The following ARL15 variants were observed in gnomAD, a reference collection of about 807,000 sequenced individuals.
ARL15 encodes ARF like GTPase 15, also known as ADP-ribosylation factor-like protein 15.
Under a neutral mutation model 25.2 loss-of-function variants are expected in ARL15, and 19 were observed. The observed-to-expected ratio is 0.75, with a 90% CI of 0.53 to 1.10. ARL15 has a LOEUF of 1.10. ARL15 is among the 50% of genes least tolerant of loss of function. ARL15 has a pLI of 0.00. For missense variants in ARL15, 220 were observed against 246.0 expected (o/e 0.89, Z 0.71); for synonymous variants, 94 against 86.8 (o/e 1.08, Z -0.46).
chr5:54,274,708 C>G (rs1280693103), intron 1 of ARL15, among the ~76,000 whole-genome samples: 2 of 152,048 alleles, frequency 1.3e-5, no homozygotes, highest in African/African-American at 2.4e-5. Context: ...ACCAGCCTGA[C>G]CAACATGGTG....
chr5:54,026,206 A>G lies in ARL15; in HGVS notation c.462+86996T>C, dbSNP rs146323985. 3.9e-3 allele frequency among the ~76,000 whole-genome samples: 597 copies of G among 152,324 alleles called. 1 individual carries two copies. The highest frequency in any genetic ancestry group is 0.014 in the African/African-American group (574 of 41,578). On this transcript the variant is annotated intron_variant, in intron 4 of 4. Coordinates refer to ENST00000504924, the MANE Select transcript of ARL15 (RefSeq NM_019087.3). ...AGTGAATAAAAATCATATTCTGCAC[A>G]TAGTAAAAATCAAAGTCTATCTTAT...
chr5:54,120,394 G>A (rs965995911), intron 3 of ARL15, among the ~76,000 whole-genome samples: 5 of 152,152 alleles, frequency 3.3e-5, no homozygotes, highest in African/African-American at 1.2e-4. Flanking sequence ...AATACAGCAC[G>A]TGCTAAGCAC....
At chr5:54,085,268 C>T (rs1343254154) in intron 4 of ARL15, among the ~76,000 whole-genome samples, 1 of 152,178 alleles carries the variant, frequency 6.6e-6, no homozygotes, top group Non-Finnish European at 1.5e-5. Flanking sequence ...CTTTACTTGA[C>T]AGTATTTAAC....
At chr5:54,256,164 T>C (rs1347604507) in intron 1 of ARL15, among the ~76,000 whole-genome samples, 1 of 151,744 alleles carries the variant, frequency 6.6e-6, no homozygotes, top group Non-Finnish European at 1.5e-5. Flanking sequence ...GACCATTAGC[T>C]ACACTAACCA....
At chr5:53,945,230 G>A (rs980299851) in intron 4 of ARL15, among the ~76,000 whole-genome samples, 3 of 152,112 alleles carry the variant, frequency 2.0e-5, no homozygotes, top group African/African-American at 7.2e-5. Context: ...ACAGACAATC[G>A]CTATTTCCAC....
chr5:54,024,031 C>T (rs1414800097), intron 4 of ARL15, among the ~76,000 whole-genome samples: 1 of 152,190 alleles, frequency 6.6e-6, no homozygotes, highest in African/African-American at 2.4e-5. Flanking sequence ...CCATCAGCAC[C>T]CCACTATGTG....
At chr5:54,216,125 CTT>C in intron 1 of ARL15, among the ~76,000 whole-genome samples, 1 of 152,250 alleles carries the variant, frequency 6.6e-6, no homozygotes, top group African/African-American at 2.4e-5. Flanking sequence ...CACGAAGAAA[CTT>C]TACTTCTCGC....
At chr5:54,229,767 T>C (rs1342087060) in intron 1 of ARL15, among the ~76,000 whole-genome samples, 2 of 152,200 alleles carry the variant, frequency 1.3e-5, no homozygotes, top group Non-Finnish European at 2.9e-5. Context: ...ATTTTAATTG[T>C]GGTCATTGCT....
intron 2 of ARL15, among the ~76,000 whole-genome samples, chr5:54,155,164 G>T (rs6896006): frequency 6.6e-6 from 1 of 151,720 alleles, no homozygotes; most frequent in Admixed American, 6.6e-5. Flanking sequence ...TGTGTATTAC[G>T]GCAATATATA....
chr5:53,916,946 T>C (rs899245248), intron 4 of ARL15, among the ~76,000 whole-genome samples: 2 of 152,222 alleles, frequency 1.3e-5, no homozygotes, highest in Non-Finnish European at 2.9e-5. Flanking sequence ...TCTATTCATA[T>C]ATATATGAAG....
intron 1 of ARL15, 100 bp from the exon 2 acceptor site, chr5:54,172,028 A>C (rs1754734076): frequency 2.2e-6 from 3 of 1,377,774 alleles, no homozygotes; most frequent in Non-Finnish European, 3.0e-6. Context: ...GAGGTAATTG[A>C]ATAAAGTATT....
At chr5:53,978,691 A>G (rs1485458745) in intron 4 of ARL15, among the ~76,000 whole-genome samples, 4 of 151,826 alleles carry the variant, frequency 2.6e-5, no homozygotes, top group Non-Finnish European at 5.9e-5. Flanking sequence ...GGTATGCTAA[A>G]GTCCAGTATT....
At chr5:54,136,140 C>T (rs1753596240) in intron 3 of ARL15, among the ~76,000 whole-genome samples, 2 of 152,114 alleles carry the variant, frequency 1.3e-5, no homozygotes, top group Admixed American at 1.3e-4. Context: ...GCTTTATTCC[C>T]ACTCTCTTTG....
At chr5:53,920,377 T>G (rs183201751) in intron 4 of ARL15, among the ~76,000 whole-genome samples, 1,546 of 152,302 alleles carry the variant, frequency 0.01, 10 homozygotes, top group South Asian at 0.016. Flanking sequence ...GTTCTTGTCA[T>G]TTTGTTAAAA....
chr5:54,256,221 A>G (rs1337719559), intron 1 of ARL15, among the ~76,000 whole-genome samples: 1 of 152,028 alleles, frequency 6.6e-6, no homozygotes, highest in Non-Finnish European at 1.5e-5. Flanking sequence ...GGAAATGAAA[A>G]CGGAGACATT....
intron 4 of ARL15, among the ~76,000 whole-genome samples, chr5:54,074,408 CCA>C (rs1287521694): frequency 1.3e-5 from 2 of 152,084 alleles, no homozygotes; most frequent in African/African-American, 4.8e-5. Context: ...AGTCCACAAA[CCA>C]CAGATTGTCA....
intron 1 of ARL15, among the ~76,000 whole-genome samples, chr5:54,183,015 G>C (rs1342349754): frequency 7.3e-6 from 1 of 136,472 alleles, no homozygotes; most frequent in African/African-American, 2.6e-5. Flanking sequence ...CTGAGACTTT[G>C]GTGAAGTTGC....
chr5:54,066,304 A>G (rs1455428821), intron 4 of ARL15, among the ~76,000 whole-genome samples: 2 of 152,218 alleles, frequency 1.3e-5, no homozygotes, highest in African/African-American at 4.8e-5. Flanking sequence ...AAAAGCAAAA[A>G]TGTAAACTAG....
intron 4 of ARL15, among the ~76,000 whole-genome samples, chr5:54,073,039 T>G (rs31242): frequency 0.11 from 17,055 of 152,224 alleles, 1,048 homozygotes; most frequent in Non-Finnish European, 0.15. Flanking sequence ...CATTACTTTT[T>G]GAGAAGTTGT....
Sources: gnomAD v4.1 joint callset for allele counts (sites outside exome capture counted in the v4.1 genomes callset) on GRCh38, gnomAD v4.1.1 for gene constraint, MANE v1.5 for transcripts, NCBI Gene and HGNC (gene_info 2026-07-23, HGNC 2026-07-21) for gene names.